Variants in AAK1 observed in about 807,000 individuals in gnomAD.
The protein encoded by AAK1 is AP2 associated kinase 1.
AAK1 carries 37 observed loss-of-function variants against 116.0 expected under a neutral mutation model. The ratio of observed to expected loss-of-function variants is 0.32; its 90% CI spans 0.25 to 0.42. The LOEUF (loss-of-function observed/expected upper bound fraction) is 0.42. Ranked by LOEUF, AAK1 falls within the 10% of genes least tolerant of loss-of-function variation. AAK1 has a pLI of 1.00. For synonymous variants in AAK1, 458 were observed against 439.9 expected (o/e 1.04, Z -0.51); for missense variants, 919 against 1,170.6 (o/e 0.79, Z 3.14).
At chr2:69,483,912 C>G (rs1321028315) in intron 17 of AAK1, among the ~76,000 whole-genome samples, 2 of 152,136 alleles carry the variant, frequency 1.3e-5, no homozygotes, top group East Asian at 3.9e-4. Context: ...TTAGCCCGAT[C>G]CATCAAGAAC....
chr2:69,469,967 C>G lies in AAK1; in HGVS notation c.*5902G>C. 8.1e-6 allele frequency: 8 copies of G among 985,400 alleles called. No homozygotes were observed. Among genetic ancestry groups the G allele is most frequent in the Non-Finnish European group, 9.6e-6 (8 of 829,946 alleles). 61.0% of individuals were successfully genotyped at this position (985,400 alleles called of 1,614,324 possible). ...AAATACCTGACAACTTGGCAACTAT[C>G]CTCACCAGCTCCCTATTCACTTCCA... On this transcript the variant is annotated 3_prime_UTR_variant, in exon 22 of 22. Coordinates refer to ENST00000409085, the MANE Select transcript of AAK1 (RefSeq NM_014911.5).
At chr2:69,577,123 C>T (rs1469142804) in intron 2 of AAK1, among the ~76,000 whole-genome samples, 2 of 152,210 alleles carry the variant, frequency 1.3e-5, no homozygotes, top group African/African-American at 2.4e-5. Flanking sequence ...CCAGTCTTGC[C>T]GACGGGGAAC....
intron 17 of AAK1, among the ~76,000 whole-genome samples, chr2:69,485,512 C>T (rs1028991742): frequency 1.3e-5 from 2 of 151,902 alleles, no homozygotes; most frequent in East Asian, 1.9e-4. Flanking sequence ...TCAATTCTCT[C>T]GCAGCCCTTA....
At chr2:69,479,715 T>C (rs1278202996) in intron 19 of AAK1, among the ~76,000 whole-genome samples, 1 of 152,172 alleles carries the variant, frequency 6.6e-6, no homozygotes, top group East Asian at 1.9e-4. Context: ...ATTGGCCCTT[T>C]GAACATGATT....
At chr2:69,622,807 G>A (rs981588635) in intron 2 of AAK1, among the ~76,000 whole-genome samples, 6 of 152,040 alleles carry the variant, frequency 3.9e-5, no homozygotes, top group Non-Finnish European at 7.4e-5. Flanking sequence ...TACACCAATC[G>A]ACACTCCGCA....
intron 16 of AAK1, among the ~76,000 whole-genome samples, chr2:69,496,685 C>T (rs1383948890): frequency 2.0e-5 from 3 of 152,082 alleles, no homozygotes; most frequent in Non-Finnish European, 2.9e-5. Flanking sequence ...TTCAGAATGT[C>T]GAGAGGAGGT....
intron 17 of AAK1, among the ~76,000 whole-genome samples, chr2:69,492,787 G>T (rs1325831317): frequency 6.6e-6 from 1 of 151,984 alleles, no homozygotes; most frequent in Admixed American, 6.6e-5. Context: ...ACCTCCCAAA[G>T]TGCTGGTATT....
At chr2:69,541,194 T>G (rs895818362) in intron 5 of AAK1, among the ~76,000 whole-genome samples, 1 of 151,842 alleles carries the variant, frequency 6.6e-6, no homozygotes, top group Non-Finnish European at 1.5e-5. Flanking sequence ...CACAACTTTG[T>G]AAGTATACTA....
chr2:69,534,049 T>G (rs890181550), intron 5 of AAK1, among the ~76,000 whole-genome samples: 15 of 152,194 alleles, frequency 9.9e-5, no homozygotes, highest in Non-Finnish European at 1.6e-4. Context: ...GTTTTCAATC[T>G]AATTTAGAGG....
At chr2:69,485,725 T>C (rs950130684) in intron 17 of AAK1, among the ~76,000 whole-genome samples, 3 of 94,306 alleles carry the variant, frequency 3.2e-5, no homozygotes, top group Non-Finnish European at 6.2e-5. Flanking sequence ...AATGGCACAA[T>C]TTCGGCTCAC....
chr2:69,552,987 A>G (rs992465406), intron 3 of AAK1, among the ~76,000 whole-genome samples: 1 of 152,150 alleles, frequency 6.6e-6, no homozygotes, highest in African/African-American at 2.4e-5. Flanking sequence ...TGTGGAGCAA[A>G]ATGACAAAGA....
Position 69,520,970 on chromosome 2 carries a change from G to A in AAK1, c.1074C>T (p.Pro358=), listed in dbSNP as rs765183660. The change falls in exon 11 of 22, where the codon CCC becomes CCT. Residue 358 remains proline (P), a synonymous_variant. Coordinates refer to ENST00000409085, the MANE Select transcript of AAK1 (RefSeq NM_014911.5). ...GGGGTGCAATTGAAGTCTCTGTGGT[G>A]GGAATGGGATCTGTCAGTCTAGAAA... ...QPKARLTDPI[P]TTETSIAPRQ... 3 of 1,613,948 alleles carry A rather than the reference G, an allele frequency of 1.9e-6. No homozygotes were observed. The South Asian group carries it at 3.3e-5, about 18-fold the overall frequency.
Position 69,461,176 on chromosome 2 carries a change from T to G in AAK1, c.*14693A>C, listed in dbSNP as rs1449670044. On this transcript the variant is annotated 3_prime_UTR_variant, in exon 22 of 22. Transcript: ENST00000409085. ...TTGGATACAGAAATACTTACCATTG[T>G]GTTACAACTGCCTACAGTATTCAGT... The G allele has an allele frequency of 6.6e-6, 1 of 152,342 alleles. No individual in the cohort carries two copies. The highest frequency in any genetic ancestry group is 1.5e-5 in the Non-Finnish European group (1 of 68,120). The allele number at this position is 152,342 out of a possible 1,614,324, so 9.4% of individuals were successfully genotyped here. A position where few individuals can be genotyped will look rare whatever the true frequency, so the allele number is the denominator to read the frequency against.
At chr2:69,520,543 T>C (rs1669727865) in intron 11 of AAK1, among the ~76,000 whole-genome samples, 1 of 151,926 alleles carries the variant, frequency 6.6e-6, no homozygotes, top group Non-Finnish European at 1.5e-5. Flanking sequence ...TACTTTTTTT[T>C]TTGAAAAACA....
chr2:69,556,733 G>T, intron 3 of AAK1, 127 bp downstream of exon 3: 1 of 676,046 alleles, frequency 1.5e-6, no homozygotes, highest in Non-Finnish European at 2.6e-6. Flanking sequence ...TGGCTGTTGA[G>T]TCCCATTTTG....
At chr2:69,503,970 GC>G (rs1395553100) in intron 16 of AAK1, among the ~76,000 whole-genome samples, 1 of 147,626 alleles carries the variant, frequency 6.8e-6, no homozygotes, top group Middle Eastern at 3.2e-3. Flanking sequence ...TTGCACTCCA[GC>G]CCCGGCAACA....
intron 3 of AAK1, among the ~76,000 whole-genome samples, chr2:69,552,107 T>C (rs966031560): frequency 3.3e-5 from 5 of 152,082 alleles, no homozygotes; most frequent in Non-Finnish European, 5.9e-5. Context: ...CTTAGTGGGC[T>C]TAAAAATGTT....
At chr2:69,604,315 C>A (rs1389953837) in intron 2 of AAK1, among the ~76,000 whole-genome samples, 2 of 152,158 alleles carry the variant, frequency 1.3e-5, no homozygotes, top group Non-Finnish European at 1.5e-5. Flanking sequence ...TCATGAACTT[C>A]TGTGATTTAG....
intron 2 of AAK1, among the ~76,000 whole-genome samples, chr2:69,614,066 CTTAGATTTGG>C: frequency 6.6e-6 from 1 of 152,112 alleles, no homozygotes; most frequent in Non-Finnish European, 1.5e-5. Flanking sequence ...GTGGAAAAAA[CTTAGATTTGG>C]TGTCAGAAAT....
Sources: allele counts gnomAD v4.1 joint callset (sites outside exome capture counted in the v4.1 genomes callset), GRCh38; gene constraint gnomAD v4.1.1; transcripts MANE v1.5; gene names NCBI Gene and HGNC (gene_info 2026-07-23, HGNC 2026-07-21).